The following CLASP2 variants were observed in gnomAD, a reference collection of about 807,000 sequenced individuals.
CLASP2 encodes the protein cytoplasmic linker associated protein 2, also known as CLIP-associating protein 2.
CLASP2 carries 47 observed loss-of-function variants against 194.4 expected under a neutral mutation model. The observed-to-expected ratio is 0.24, with a 90% CI of 0.19 to 0.31. CLASP2 has a LOEUF of 0.31. Among genes scored for constraint, CLASP2 ranks in the 10% least tolerant of loss-of-function variants. CLASP2 has a pLI of 1.00. For missense variants in CLASP2, 1,445 were observed against 1,823.6 expected (o/e 0.79, Z 3.78); for synonymous variants, 619 against 633.5 (o/e 0.98, Z 0.34).
At position 33,608,507 on chromosome 3, in the gene CLASP2, C is replaced by T. The variant is rs141751898; in HGVS notation, c.1448+60G>A. On this transcript the variant is annotated intron_variant, in intron 14 of 38. Transcript: ENST00000682230. Reference sequence around the variant, plus strand: ...AATAATGTAAAACCAATACCATCAACTTCTAAAGAACTGGTGACAATGGGG... The same window carrying T: ...AATAATGTAAAACCAATACCATCAATTTCTAAAGAACTGGTGACAATGGGG... 3.0e-6 allele frequency: 4 copies of T among 1,313,372 alleles called. No homozygotes were observed. In the East Asian group the frequency reaches 9.3e-5, roughly 31 times the overall value. 81.4% of individuals were successfully genotyped at this position (1,313,372 alleles called of 1,614,324 possible). A position where few individuals can be genotyped will look rare whatever the true frequency, so the allele number is the denominator to read the frequency against.
chr3:33,705,601 T>G (rs998622197), intron 1 of CLASP2, among the ~76,000 whole-genome samples: 3 of 152,178 alleles, frequency 2.0e-5, no homozygotes, highest in African/African-American at 7.2e-5. Flanking sequence ...CAATTACACA[T>G]ATATGAGCCA....
chr3:33,703,332 A>T (rs1174123187), intron 1 of CLASP2, among the ~76,000 whole-genome samples: 1 of 152,256 alleles, frequency 6.6e-6, no homozygotes, highest in Admixed American at 6.5e-5. Context: ...AAGATATATA[A>T]ACAGCAAATA....
chr3:33,599,640 TG>T (rs2154250547), intron 18 of CLASP2, among the ~76,000 whole-genome samples: 1 of 152,244 alleles, frequency 6.6e-6, no homozygotes, highest in East Asian at 1.9e-4. Context: ...AAGTGTGTGC[TG>T]AAAACTAACA....
intron 27 of CLASP2, among the ~76,000 whole-genome samples, chr3:33,563,104 C>T (rs1390385716): frequency 6.6e-6 from 1 of 152,148 alleles, no homozygotes; most frequent in East Asian, 1.9e-4. Context: ...ACTATCTTTA[C>T]TCTTTTTATT....
chr3:33,688,131 A>G, intron 4 of CLASP2, 146 bp downstream of exon 4: 1 of 551,100 alleles, frequency 1.8e-6, no homozygotes, highest in Non-Finnish European at 3.2e-6. Context: ...TACACAAAAA[A>G]TGAACAGTAA....
chr3:33,553,176 GAATA>G (rs1417309386), intron 29 of CLASP2, among the ~76,000 whole-genome samples: 1 of 152,028 alleles, frequency 6.6e-6, no homozygotes, highest in Non-Finnish European at 1.5e-5. Flanking sequence ...GTGCCATACT[GAATA>G]AATTCACAGG....
chr3:33,690,626 C>T (rs556393938), intron 2 of CLASP2, among the ~76,000 whole-genome samples: 4 of 152,248 alleles, frequency 2.6e-5, no homozygotes, highest in Admixed American at 1.3e-4. Context: ...GTTTCAGTTA[C>T]CCATGGCCAA....
At chr3:33,623,863 G>C (rs138180472) in intron 10 of CLASP2, among the ~76,000 whole-genome samples, 60 of 151,928 alleles carry the variant, frequency 3.9e-4, no homozygotes, top group African/African-American at 1.2e-3. Flanking sequence ...CTTCCATACT[G>C]TTCTCCCTGC....
Position 33,496,980 on chromosome 3 carries a change from G to T in CLASP2, c.*1651C>A, listed in dbSNP as rs1025174897. The T allele has an allele frequency of 2.6e-5, 4 of 152,540 alleles. No individual in the cohort carries two copies. The highest frequency in any genetic ancestry group is 4.8e-5 in the African/African-American group (2 of 41,434). The allele number at this position is 152,540 out of a possible 1,614,324, so 9.4% of individuals were successfully genotyped here. ...TGTTACACAGTGAGACAGAAAAACT[G>T]ATATACATTATTAACTTTTTCAAGT... is the stretch of plus-strand genomic sequence containing the variant. On this transcript the variant is annotated 3_prime_UTR_variant, in exon 39 of 39. Coordinates refer to ENST00000682230, the MANE Select transcript of CLASP2 (RefSeq NM_001365631.1).
At chr3:33,650,110 A>G (rs2082933702) in intron 7 of CLASP2, among the ~76,000 whole-genome samples, 1 of 152,364 alleles carries the variant, frequency 6.6e-6, no homozygotes, top group East Asian at 1.9e-4. Context: ...CTATACAATA[A>G]CTGAGCAAAC....
At chr3:33,614,569 C>G (rs150589371) in intron 12 of CLASP2, among the ~76,000 whole-genome samples, 2 of 152,302 alleles carry the variant, frequency 1.3e-5, no homozygotes, top group East Asian at 3.9e-4. Context: ...GACTGTCTTA[C>G]AAAACTTCCT....
chr3:33,694,447 A>G (rs2154349890), intron 2 of CLASP2, among the ~76,000 whole-genome samples: 1 of 152,338 alleles, frequency 6.6e-6, no homozygotes, highest in African/African-American at 2.4e-5. Flanking sequence ...TTTTCTCTGT[A>G]GCAATTAATA....
Position 33,687,129 on chromosome 3 carries a change from C to T in CLASP2, c.477G>A (p.Gly159=), listed in dbSNP as rs758144177. 1.8e-5 allele frequency: 29 copies of T among 1,585,588 alleles called. No homozygotes were observed. Among genetic ancestry groups the T allele is most frequent in the Middle Eastern group, 1.8e-4 (1 of 5,694 alleles). The change falls in exon 5 of 39, where the codon GGG becomes GGA. Residue 159 remains glycine, a synonymous_variant. Coordinates refer to ENST00000682230, the MANE Select transcript of CLASP2 (RefSeq NM_001365631.1). ...ATTTGCTGATGACTAGTGGCTGAGC[C>T]CCAAAACTAAATATAATTTGAGAAA... is the stretch of plus-strand genomic sequence containing the variant. The part of the protein sequence containing the change: ...LCLIETLNIF[G]AQPLVISKLI...
intron 27 of CLASP2, among the ~76,000 whole-genome samples, chr3:33,565,487 A>G (rs780855858): frequency 2.6e-5 from 4 of 151,978 alleles, no homozygotes; most frequent in Non-Finnish European, 5.9e-5. Flanking sequence ...GGCTAATAAC[A>G]TTTTATTTTC....
At chr3:33,684,251 AAT>A in intron 6 of CLASP2, 106 bp downstream of exon 6, 1 of 573,122 alleles carries the variant, frequency 1.7e-6, no homozygotes, top group Non-Finnish European at 2.8e-6. Context: ...ATCTCAAAAA[AAT>A]AAATAAATAA....
chr3:33,613,287 A>G (rs1282794089), intron 12 of CLASP2, among the ~76,000 whole-genome samples: 1 of 152,190 alleles, frequency 6.6e-6, no homozygotes, highest in African/African-American at 2.4e-5. Flanking sequence ...AACCATTACG[A>G]AGCTCTAAAC....
At chr3:33,609,644 C>A (rs9868021) in intron 13 of CLASP2, among the ~76,000 whole-genome samples, 4,300 of 152,202 alleles carry the variant, frequency 0.028, 199 homozygotes, top group African/African-American at 0.097. Context: ...GCCCACTTAT[C>A]TTTTTATAGT....
chr3:33,521,380 T>C (rs1234145384), intron 34 of CLASP2, among the ~76,000 whole-genome samples: 3 of 152,008 alleles, frequency 2.0e-5, no homozygotes, highest in Non-Finnish European at 4.4e-5. Context: ...AATCAAGAGA[T>C]CAAAGTTAAC....
chr3:33,523,615 T>C (rs557094818), intron 34 of CLASP2, among the ~76,000 whole-genome samples: 1 of 152,194 alleles, frequency 6.6e-6, no homozygotes, highest in Non-Finnish European at 1.5e-5. Context: ...AGACAGTAAC[T>C]TGAAACCATA....
Sources: allele counts gnomAD v4.1 joint callset (sites outside exome capture counted in the v4.1 genomes callset), GRCh38; gene constraint gnomAD v4.1.1; transcripts MANE v1.5; gene names NCBI Gene and HGNC (gene_info 2026-07-23, HGNC 2026-07-21).